Variants in ILRUN observed in about 807,000 individuals in gnomAD.
ILRUN encodes protein ILRUN.
A neutral mutation model predicts 33.8 loss-of-function variants in ILRUN; 3 were observed. The observed-to-expected ratio is 0.09, with a 90% CI of 0.04 to 0.23. ILRUN has a LOEUF of 0.23. ILRUN is among the 10% of genes least tolerant of loss of function. The pLI is 1.00. For missense variants in ILRUN, 210 were observed against 375.1 expected (o/e 0.56, Z 3.64); for synonymous variants, 124 against 138.9 (o/e 0.89, Z 0.75).
intron 2 of ILRUN, among the ~76,000 whole-genome samples, chr6:34,653,128 G>C (rs1762701056): frequency 1.0e-5 from 1 of 98,634 alleles, no homozygotes; most frequent in African/African-American, 4.9e-5. Context: ...GTGAGACCTT[G>C]TCTCAAAAAA....
intron 3 of ILRUN, among the ~76,000 whole-genome samples, chr6:34,621,473 A>T (rs758725282): frequency 6.6e-6 from 1 of 152,194 alleles, no homozygotes; most frequent in Non-Finnish European, 1.5e-5. Flanking sequence ...TACCACCTGA[A>T]TCCTTTAATC....
At chr6:34,619,222 A>G (rs1179792052) in intron 3 of ILRUN, among the ~76,000 whole-genome samples, 2 of 152,190 alleles carry the variant, frequency 1.3e-5, no homozygotes, top group African/African-American at 4.8e-5. Flanking sequence ...GAGGAGAATT[A>G]AGAATACTGC....
intron 1 of ILRUN, among the ~76,000 whole-genome samples, chr6:34,674,104 T>C (rs1464665588): frequency 6.6e-6 from 1 of 152,186 alleles, no homozygotes; most frequent in Non-Finnish European, 1.5e-5. Context: ...CTTGACTCAC[T>C]GCAACCTCCG....
intron 2 of ILRUN, among the ~76,000 whole-genome samples, chr6:34,653,467 C>T (rs1169470124): frequency 1.3e-5 from 2 of 152,118 alleles, no homozygotes; most frequent in Non-Finnish European, 2.9e-5. Context: ...CTGAAGTGAT[C>T]CTCCCACCTC....
intron 3 of ILRUN, among the ~76,000 whole-genome samples, chr6:34,609,728 G>A (rs1331682823): frequency 2.0e-5 from 3 of 152,164 alleles, no homozygotes; most frequent in Non-Finnish European, 4.4e-5. Context: ...CCTAGTAAGT[G>A]GAGATGCAGT....
intron 1 of ILRUN, among the ~76,000 whole-genome samples, chr6:34,657,919 G>A (rs1762807879): frequency 2.0e-5 from 3 of 152,230 alleles, no homozygotes; most frequent in South Asian, 4.1e-4. Context: ...AGCATTCAGT[G>A]CAGTCTGAAA....
rs148331517 is a variant in ILRUN at position 34,632,301 on chromosome 6, C to T, written c.511+14300G>A. 7.0e-4 allele frequency among the ~76,000 whole-genome samples: 106 copies of T among 151,996 alleles called. 3 individuals carry two copies. In the East Asian group the frequency reaches 0.015, roughly 21 times the overall value. The stretch of plus-strand genomic sequence containing the variant: ...ACTCAAAATACAAAAATTAGTTAAG[C>T]GTGGTGGCACACGCCTATAGTCCTA... On this transcript the variant is annotated intron_variant, in intron 3 of 4. Coordinates refer to ENST00000374023, the MANE Select transcript of ILRUN (RefSeq NM_024294.4).
chr6:34,663,844 T>A (rs73413815), intron 1 of ILRUN, among the ~76,000 whole-genome samples: 4,709 of 152,332 alleles, frequency 0.031, 196 homozygotes, highest in African/African-American at 0.09. Flanking sequence ...TGTTAAGTTA[T>A]ATCGCAAAGA....
At position 34,625,846 on chromosome 6, in the gene ILRUN, CT is replaced by C. The variant is rs58219612; in HGVS notation, c.512-18943del. Among the ~76,000 whole-genome samples, 988 of 114,210 alleles carry C rather than the reference CT, an allele frequency of 8.7e-3. 3 individuals are homozygous for C. The highest frequency in any genetic ancestry group is 0.019 in the African/African-American group (524 of 27,956). 74.9% of individuals were successfully genotyped at this position (114,210 alleles called of 152,430 possible). ...TTCATTATTTTTTCTTATTGAAAGG[CT>C]TTTTTTTTTTTTTTTTTTTGAGATA... On this transcript the variant is annotated intron_variant, in intron 3 of 4. Transcript: ENST00000374023.
At chr6:34,662,560 T>C (rs1426575688) in intron 1 of ILRUN, among the ~76,000 whole-genome samples, 2 of 152,176 alleles carry the variant, frequency 1.3e-5, no homozygotes, top group Non-Finnish European at 2.9e-5. Context: ...TTATTTAGCC[T>C]TAAAAAGGAA....
chr6:34,657,620 A>G (rs911382564), intron 1 of ILRUN, among the ~76,000 whole-genome samples: 13 of 152,214 alleles, frequency 8.5e-5, no homozygotes, highest in African/African-American at 3.1e-4. Context: ...TCATTTCCCA[A>G]GTACAAGGCA....
At chr6:34,617,008 G>T in intron 3 of ILRUN, 1 of 541,210 alleles carries the variant, frequency 1.8e-6, no homozygotes, top group Non-Finnish European at 3.6e-6. Flanking sequence ...TCAATAAGAA[G>T]TGAGTTGCTC....
intron 3 of ILRUN, among the ~76,000 whole-genome samples, chr6:34,609,520 T>C (rs1420742227): frequency 1.3e-5 from 2 of 151,478 alleles, no homozygotes; most frequent in Non-Finnish European, 2.9e-5. Flanking sequence ...AATCTTAAAG[T>C]ATCATACAAC....
intron 3 of ILRUN, among the ~76,000 whole-genome samples, chr6:34,611,013 C>T (rs1761736121): frequency 6.6e-6 from 1 of 151,746 alleles, no homozygotes; most frequent in Non-Finnish European, 1.5e-5. Context: ...GAGTTTGAGA[C>T]CATTCTGGGC....
intron 2 of ILRUN, among the ~76,000 whole-genome samples, chr6:34,651,505 A>G (rs1762667756): frequency 6.6e-6 from 1 of 152,152 alleles, no homozygotes; most frequent in East Asian, 1.9e-4. Flanking sequence ...AAGTAGATAT[A>G]TCAAGAGGCT....
chr6:34,673,827 C>CCACATA (rs1763167603), intron 1 of ILRUN, among the ~76,000 whole-genome samples: 1 of 107,684 alleles, frequency 9.3e-6, no homozygotes, highest in African/African-American at 4.6e-5. Context: ...ACAGTAACAA[C>CCACATA]CACATACACA....
At chr6:34,635,666 A>G (rs1762354029) in intron 3 of ILRUN, among the ~76,000 whole-genome samples, 1 of 149,026 alleles carries the variant, frequency 6.7e-6, no homozygotes, top group African/African-American at 2.5e-5. Flanking sequence ...CCAGGCTACA[A>G]TGCAATGGCG....
rs1020044982 is a variant in ILRUN at position 34,588,967 on chromosome 6, T to G, written c.*1598A>C. The G allele has an allele frequency of 1.3e-5, 2 of 152,710 alleles. No individual in the cohort carries two copies. The highest frequency in any genetic ancestry group is 4.8e-5 in the African/African-American group (2 of 41,444). 9.5% of individuals were successfully genotyped at this position (152,710 alleles called of 1,614,324 possible). ...CCCACACCCAGGCTATATGACTCCT[T>G]GCAGCCACTCATTACCTGGTCTCCC... On this transcript the variant is annotated 3_prime_UTR_variant, in exon 5 of 5. Coordinates refer to ENST00000374023, the MANE Select transcript of ILRUN (RefSeq NM_024294.4).
intron 3 of ILRUN, among the ~76,000 whole-genome samples, chr6:34,619,729 G>A (rs1761970913): frequency 2.0e-5 from 3 of 152,136 alleles, no homozygotes; most frequent in African/African-American, 4.8e-5. Flanking sequence ...AGTGGCTCAC[G>A]CCTGTAATAC....
Sources: gnomAD v4.1 joint callset for allele counts (sites outside exome capture counted in the v4.1 genomes callset) on GRCh38, gnomAD v4.1.1 for gene constraint, MANE v1.5 for transcripts, NCBI Gene and HGNC (gene_info 2026-07-23, HGNC 2026-07-21) for gene names.